The following CNIH3 variants were observed in gnomAD, a reference collection of about 807,000 sequenced individuals.
CNIH3 encodes the protein protein cornichon homolog 3.
In CNIH3, 14 loss-of-function variants were observed where a neutral mutation model predicts 24.1. That is an observed-to-expected ratio of 0.58 (90% CI 0.38 to 0.91). The LOEUF (loss-of-function observed/expected upper bound fraction) is 0.91, where lower values mean the gene tolerates loss of function less well. CNIH3 is among the 40% of genes least tolerant of loss of function. CNIH3 has a pLI of 0.00. For synonymous variants in CNIH3, 68 were observed against 73.8 expected, an observed-to-expected ratio of 0.92 and a Z score of 0.40; for missense variants, 178 against 196.8, an observed-to-expected ratio of 0.90 and a Z score of 0.57.
At chr1:224,637,143 C>T (rs1044457355) in intron 1 of CNIH3, among the ~76,000 whole-genome samples, 6 of 151,874 alleles carry the variant, frequency 4.0e-5, no homozygotes, top group Non-Finnish European at 5.9e-5. Context: ...TTAGTAGAGA[C>T]GGGGTTTCAC....
At chr1:224,726,054 C>T (rs1457388444) in intron 3 of CNIH3, among the ~76,000 whole-genome samples, 1 of 152,128 alleles carries the variant, frequency 6.6e-6, no homozygotes, top group East Asian at 1.9e-4. Flanking sequence ...ATTTAGAATG[C>T]AGACAAGTAA....
intron 4 of CNIH3, among the ~76,000 whole-genome samples, chr1:224,571,873 A>G (rs902272017): frequency 2.0e-5 from 3 of 152,196 alleles, no homozygotes; most frequent in African/African-American, 7.2e-5. Context: ...TGTCCAGGGC[A>G]TTGCCCAAGC....
At chr1:224,621,972 G>C (rs1199093680) in intron 1 of CNIH3, among the ~76,000 whole-genome samples, 1 of 152,166 alleles carries the variant, frequency 6.6e-6, no homozygotes, top group African/African-American at 2.4e-5. Flanking sequence ...GTTTTATAAA[G>C]GGCAGTTCTC....
intron 1 of CNIH3, among the ~76,000 whole-genome samples, chr1:224,449,403 G>T (rs1352425441): frequency 6.6e-6 from 1 of 152,048 alleles, no homozygotes; most frequent in African/African-American, 2.4e-5. Flanking sequence ...AATAGTTTGG[G>T]TTTACATCTT....
At chr1:224,626,513 G>T (rs147515468) in intron 1 of CNIH3, among the ~76,000 whole-genome samples, 329 of 152,296 alleles carry the variant, frequency 2.2e-3, no homozygotes, top group African/African-American at 7.7e-3. Context: ...TATATCTAAA[G>T]ATTAGGCTGA....
intron 1 of CNIH3, among the ~76,000 whole-genome samples, chr1:224,639,985 A>G (rs756802329): frequency 5.3e-5 from 8 of 152,190 alleles, no homozygotes; most frequent in Non-Finnish European, 1.2e-4. Flanking sequence ...TGTTTTCCTG[A>G]CATGTACCCC....
intron 5 of CNIH3, chr1:224,587,225 G>A (rs193080861): frequency 6.6e-6 from 1 of 152,456 alleles, no homozygotes; most frequent in East Asian, 1.9e-4. Flanking sequence ...TCAAGGTTTG[G>A]GAGGGGAACC....
At chr1:224,663,424 G>A (rs1685454101) in intron 1 of CNIH3, among the ~76,000 whole-genome samples, 1 of 152,188 alleles carries the variant, frequency 6.6e-6, no homozygotes, top group South Asian at 2.1e-4. Context: ...CCCCAAGAGT[G>A]TCCAAACTGA....
intron 3 of CNIH3, among the ~76,000 whole-genome samples, chr1:224,726,391 G>A (rs918180702): frequency 1.3e-5 from 2 of 152,190 alleles, no homozygotes; most frequent in African/African-American, 4.8e-5. Flanking sequence ...AGCACAAAGT[G>A]GTTGTGGGAT....
intron 1 of CNIH3, among the ~76,000 whole-genome samples, chr1:224,496,714 G>A (rs1357996910): frequency 6.6e-6 from 1 of 152,170 alleles, no homozygotes; most frequent in Non-Finnish European, 1.5e-5. Flanking sequence ...TCAGTGTGAC[G>A]GGTACAATAC....
chr1:224,705,737 A>G (rs1687749711), intron 3 of CNIH3, among the ~76,000 whole-genome samples: 1 of 152,044 alleles, frequency 6.6e-6, no homozygotes, highest in Non-Finnish European at 1.5e-5. Flanking sequence ...AGGCTGCCAT[A>G]GTACCCTGCT....
chr1:224,681,059 T>C (rs1432193097), intron 2 of CNIH3, 33 bp downstream of exon 2: 23 of 1,573,580 alleles, frequency 1.5e-5, no homozygotes, highest in Non-Finnish European at 2.0e-5. Context: ...GGGAAGGTGC[T>C]ATCACCCCAG....
exon 2 of CNIH3, chr1:224,521,264 T>C (rs1406052049): frequency 1.3e-5 from 2 of 152,222 alleles, no homozygotes; most frequent in African/African-American, 4.8e-5. Flanking sequence ...TTATGATTTA[T>C]GCCCTGAAAT....
intron 1 of CNIH3, among the ~76,000 whole-genome samples, chr1:224,618,516 G>T (rs1184059541): frequency 6.6e-6 from 1 of 152,234 alleles, no homozygotes; most frequent in African/African-American, 2.4e-5. Flanking sequence ...TCTTAAAATA[G>T]AACTAAGCAG....
intron 2 of CNIH3, among the ~76,000 whole-genome samples, chr1:224,536,610 G>C (rs1297603569): frequency 2.6e-5 from 4 of 152,070 alleles, no homozygotes; most frequent in Non-Finnish European, 5.9e-5. Flanking sequence ...TTTAATTGTG[G>C]GAAATGCTAA....
chr1:224,686,685 T>C (rs1384195236), intron 3 of CNIH3, among the ~76,000 whole-genome samples: 1 of 152,232 alleles, frequency 6.6e-6, no homozygotes, highest in Non-Finnish European at 1.5e-5. Context: ...CTGTATTCTC[T>C]GGCAGAACAA....
In CNIH3 at chr1:224,617,157, G is replaced by A. The variant is rs1253571549; in HGVS notation, c.-18G>A. On this transcript the variant is annotated 5_prime_UTR_variant, in exon 1 of 6. Coordinates refer to ENST00000272133, the MANE Select transcript of CNIH3 (RefSeq NM_152495.2). ...AGGGGCTTCTTGGCGTGTGTGGTGG[G>A]ATTGGGGTCCGCCGGCCATGGCCTT... 2 of 1,613,654 alleles carry A rather than the reference G, an allele frequency of 1.2e-6. No individual in the cohort carries two copies. Among genetic ancestry groups the A allele is most frequent in the Admixed American group, 1.7e-5 (1 of 59,988 alleles).
At chr1:224,513,402 A>G (rs1270619632), upstream of CNIH3, among the ~76,000 whole-genome samples, 1 of 150,596 alleles carries the variant, frequency 6.6e-6, no homozygotes, top group Admixed American at 6.6e-5. Context: ...CTGGTCTCGA[A>G]CTCCTGGACT....
chr1:224,535,243 C>T (rs712077), intron 2 of CNIH3, among the ~76,000 whole-genome samples: 2,398 of 152,152 alleles, frequency 0.016, 65 homozygotes, highest in African/African-American at 0.054. Context: ...GACAGAGACA[C>T]GCAGGGAGAA....
Sources: gnomAD v4.1 joint callset for allele counts (sites outside exome capture counted in the v4.1 genomes callset) on GRCh38, gnomAD v4.1.1 for gene constraint, MANE v1.5 for transcripts, NCBI Gene and HGNC (gene_info 2026-07-23, HGNC 2026-07-21) for gene names.